The following IL1R1 variants were observed in gnomAD, a reference collection of about 807,000 sequenced individuals.
The protein encoded by IL1R1 is interleukin 1 receptor type 1.
A neutral mutation model predicts 50.2 loss-of-function variants in IL1R1; 22 were observed. That is an observed-to-expected ratio of 0.44 (90% CI 0.31 to 0.63). The LOEUF is 0.63. Among genes scored for constraint, IL1R1 ranks in the 20% least tolerant of loss-of-function variants. The pLI is 0.07. For synonymous variants in IL1R1, 251 were observed against 236.7 expected (o/e 1.06, Z -0.55); for missense variants, 509 against 676.2 (o/e 0.75, Z 2.74).
chr2:102,115,957 C>T (rs1441306276), intron 1 of IL1R1, among the ~76,000 whole-genome samples: 1 of 152,174 alleles, frequency 6.6e-6, no homozygotes, highest in African/African-American at 2.4e-5. Context: ...CCTTGCATGG[C>T]AGGTTTTGAC....
chr2:102,086,228 C>A (rs1163017779), intron 1 of IL1R1, among the ~76,000 whole-genome samples: 1 of 152,126 alleles, frequency 6.6e-6, no homozygotes, highest in African/African-American at 2.4e-5. Context: ...TCTTAATTGA[C>A]AGTTTAGTTT....
upstream of IL1R1, among the ~76,000 whole-genome samples, chr2:102,102,481 T>C (rs1577845332): frequency 6.6e-6 from 1 of 152,096 alleles, no homozygotes; most frequent in Non-Finnish European, 1.5e-5. Context: ...CCAGTCAAAA[T>C]GGCTATTACT....
intron 1 of IL1R1, among the ~76,000 whole-genome samples, chr2:102,079,249 T>C (rs1184862378): frequency 6.6e-6 from 1 of 152,140 alleles, no homozygotes; most frequent in African/African-American, 2.4e-5. Context: ...TTCAACATTG[T>C]ACTAAGAATG....
At chr2:102,134,447 C>T (rs988426545) in intron 1 of IL1R1, among the ~76,000 whole-genome samples, 23 of 151,298 alleles carry the variant, frequency 1.5e-4, no homozygotes, top group African/African-American at 5.4e-4. Context: ...GCACAGATTT[C>T]GGCTCACCGC....
intron 6 of IL1R1, among the ~76,000 whole-genome samples, chr2:102,168,041 A>G (rs550287156): frequency 3.7e-4 from 56 of 152,182 alleles, no homozygotes; most frequent in African/African-American, 1.3e-3. Context: ...AGTTTCTCAT[A>G]GTTTCTTCAT....
In IL1R1 at chr2:102,146,166, C is replaced by T. The variant is rs115231321; in HGVS notation, c.-84+3146C>T. Among the ~76,000 whole-genome samples, 891 of 151,850 alleles carry T rather than the reference C, an allele frequency of 5.9e-3. 13 individuals carry two copies. The highest frequency in any genetic ancestry group is 0.021 in the African/African-American group (865 of 41,402). ...GCCATGCTGGTCTCTGCACATTTGGCGTCCCAAATGTGAGAACTCATAGAT... is the reference window on the plus strand; with the variant it reads ...GCCATGCTGGTCTCTGCACATTTGGTGTCCCAAATGTGAGAACTCATAGAT... On this transcript the variant is annotated intron_variant, in intron 1 of 11. Coordinates refer to ENST00000410023, the MANE Select transcript of IL1R1 (RefSeq NM_000877.4).
Position 102,177,368 on chromosome 2 carries a change from A to G in IL1R1, c.*609A>G, listed in dbSNP as rs1305620012. ...GGCAAGAAGGAAATAGCCACCGTCT[A>G]CAGATGGCTTAGTTAAGTCATCCAC... On this transcript the variant is annotated 3_prime_UTR_variant, in exon 12 of 12. Transcript: ENST00000410023. The G allele has an allele frequency of 6.4e-6, 1 of 156,560 alleles. No individual in the cohort carries two copies. Among genetic ancestry groups the G allele is most frequent in the Non-Finnish European group, 1.4e-5 (1 of 69,558 alleles). The allele number at this position is 156,560 out of a possible 1,614,324, so 9.7% of individuals were successfully genotyped here.
chr2:102,084,476 C>A (rs1436632417), intron 1 of IL1R1, among the ~76,000 whole-genome samples: 1 of 152,090 alleles, frequency 6.6e-6, no homozygotes, highest in East Asian at 1.9e-4. Context: ...ATTTTATCGC[C>A]CCGTACAAAG....
intron 3 of IL1R1, among the ~76,000 whole-genome samples, chr2:102,159,987 T>G (rs184136324): frequency 1.3e-5 from 2 of 152,322 alleles, no homozygotes; most frequent in East Asian, 3.9e-4. Context: ...CTTTGATTTT[T>G]GAAATTTTTT....
Position 102,150,862 on chromosome 2 carries a change from C to T in IL1R1, c.-83-3079C>T, listed in dbSNP as rs1683590494. On this transcript the variant is annotated intron_variant, in intron 1 of 11. Transcript: ENST00000410023. The stretch of plus-strand genomic sequence containing the variant: ...GGGTTTCACACATAACATAGATATC[C>T]TTGCTTGAAGGCTGAACAGGGGGAA... Among the ~76,000 whole-genome samples the T allele has an allele frequency of 2.0e-5, 3 of 152,306 alleles. No homozygotes were observed. In the South Asian group the frequency reaches 6.2e-4, roughly 32 times the overall value.
chr2:102,167,009 G>A lies in IL1R1; in HGVS notation c.655+728G>A, dbSNP rs146195134. Among the ~76,000 whole-genome samples the A allele has an allele frequency of 2.6e-3, 393 of 152,246 alleles. 4 individuals are homozygous for A. The highest frequency in any genetic ancestry group is 0.011 in the Admixed American group (161 of 15,300). ...CAAATTGCCAGGGGATAGTCAGAAT[G>A]CTCAAACTTTTTGTAAATATTGAGA... On this transcript the variant is annotated intron_variant, in intron 6 of 11. Transcript: ENST00000410023.
intron 1 of IL1R1, among the ~76,000 whole-genome samples, chr2:102,126,261 C>T (rs1406458713): frequency 6.6e-6 from 1 of 152,186 alleles, no homozygotes; most frequent in Non-Finnish European, 1.5e-5. Context: ...AAGGAGTTGT[C>T]AGATGCTTGA....
intron 2 of IL1R1, among the ~76,000 whole-genome samples, chr2:102,156,550 C>T (rs1684210792): frequency 6.6e-6 from 1 of 150,860 alleles, no homozygotes; most frequent in Non-Finnish European, 1.5e-5. Flanking sequence ...CTCACTCTGT[C>T]ACTCAGGCTG....
In IL1R1 at chr2:102,152,007, A is replaced by C. The variant is rs540174132; in HGVS notation, c.-83-1934A>C. On this transcript the variant is annotated intron_variant, in intron 1 of 11. Transcript: ENST00000410023. ...CGATGGGATGGGTCAGGTGCTGCAG[A>C]GATGTTCAGTGGGCTGGAGACAGAG... Among the ~76,000 whole-genome samples, 6 of 152,170 alleles carry C rather than the reference A, an allele frequency of 3.9e-5. 2 individuals are homozygous for C. Among genetic ancestry groups the C allele is most frequent in the African/African-American group, 1.2e-4 (5 of 41,528 alleles).
At chr2:102,169,078 C>G (rs1035907049) in intron 7 of IL1R1, among the ~76,000 whole-genome samples, 2 of 150,962 alleles carry the variant, frequency 1.3e-5, no homozygotes, top group African/African-American at 2.4e-5. Flanking sequence ...CTGAATTAAA[C>G]AAAAATTATA....
rs149935692 is a variant in IL1R1 at position 102,107,138 on chromosome 2, T to C, written c.-84+2266T>C. ...ACTGTATGAACATTTTCCAACTCTC[T>C]CATCAGCATTGGGTTTTATAATTTT... On this transcript the variant is annotated intron_variant, in intron 1 of 10. Coordinates refer to the IL1R1 transcript ENST00000409329. Among the ~76,000 whole-genome samples, 267 of 152,316 alleles carry C rather than the reference T, an allele frequency of 1.8e-3. 3 individuals carry two copies. The highest frequency in any genetic ancestry group is 6.1e-3 in the African/African-American group (253 of 41,570).
At chr2:102,104,004 A>G (rs1680269175), upstream of IL1R1, among the ~76,000 whole-genome samples, 2 of 150,732 alleles carry the variant, frequency 1.3e-5, no homozygotes, top group South Asian at 4.2e-4. Flanking sequence ...AAAAAAAAAA[A>G]AAAAAAAAGA....
rs151235098 is a variant in IL1R1 at position 102,123,444 on chromosome 2, TA to T, written c.-84+18573del. On this transcript the variant is annotated intron_variant, in intron 1 of 10. Coordinates refer to the IL1R1 transcript ENST00000409329. Reference sequence around the variant, plus strand: ...AAATATTAACGGTAAATGAAAAGGCTAGGGGAAATCTTTTTAAATTGTATCA... The same window carrying T: ...AAATATTAACGGTAAATGAAAAGGCTGGGGAAATCTTTTTAAATTGTATCA... Among the ~76,000 whole-genome samples the T allele has an allele frequency of 5.5e-4, 84 of 152,218 alleles. 3 individuals are homozygous for T. The East Asian group carries it at 0.016, about 29-fold the overall frequency.
chr2:102,105,467 C>T (rs1351124940), intron 1 of IL1R1, among the ~76,000 whole-genome samples: 5 of 152,164 alleles, frequency 3.3e-5, no homozygotes, highest in Admixed American at 6.5e-5. Context: ...CAGGTTCAAG[C>T]GATTCTCCTG....
Sources: allele counts gnomAD v4.1 joint callset (sites outside exome capture counted in the v4.1 genomes callset), GRCh38; gene constraint gnomAD v4.1.1; transcripts MANE v1.5; gene names NCBI Gene and HGNC (gene_info 2026-07-23, HGNC 2026-07-21).